The following HNF4A variants were observed in gnomAD, a reference collection of about 807,000 sequenced individuals.
HNF4A encodes the protein hepatocyte nuclear factor 4 alpha.
HNF4A carries 15 observed loss-of-function variants against 52.4 expected under a neutral mutation model. That is an observed-to-expected ratio of 0.29 (90% confidence interval 0.19 to 0.44). The LOEUF (loss-of-function observed/expected upper bound fraction) is 0.44, where lower values mean the gene tolerates loss of function less well. Among genes scored for constraint, HNF4A ranks in the 20% least tolerant of loss-of-function variants. The pLI is 1.00. For missense variants in HNF4A, 479 were observed against 647.2 expected (o/e 0.74, Z 2.82); for synonymous variants, 280 against 264.4 (o/e 1.06, Z -0.57).
At chr20:44,422,175 CACCTGCTATCCCACACTT>C (rs1264231188) in intron 7 of HNF4A, among the ~76,000 whole-genome samples, 1 of 152,256 alleles carries the variant, frequency 6.6e-6, no homozygotes, top group Admixed American at 6.5e-5. Context: ...TCTTACCTAC[CACCTGCTATCCCACACTT>C]ACCAGAGGGT....
intron 1 of HNF4A, among the ~76,000 whole-genome samples, chr20:44,365,782 G>A (rs1392067672): frequency 6.6e-6 from 1 of 152,152 alleles, no homozygotes; most frequent in Non-Finnish European, 1.5e-5. Context: ...TGAGGTGGGT[G>A]AATCACTTGA....
intron 1 of HNF4A, among the ~76,000 whole-genome samples, chr20:44,370,229 G>T (rs1395809524): frequency 6.6e-6 from 1 of 152,018 alleles, no homozygotes; most frequent in African/African-American, 2.4e-5. Flanking sequence ...GGGTTTCACC[G>T]TGTTAGCCAG....
At chr20:44,393,181 G>T (rs1036546745) in intron 1 of HNF4A, among the ~76,000 whole-genome samples, 3 of 152,224 alleles carry the variant, frequency 2.0e-5, no homozygotes, top group Non-Finnish European at 2.9e-5. Context: ...GGCCGGGAAG[G>T]CCGCATCTAA....
At chr20:44,377,147 T>C (rs2063094270) in intron 1 of HNF4A, among the ~76,000 whole-genome samples, 1 of 152,196 alleles carries the variant, frequency 6.6e-6, no homozygotes, top group Admixed American at 6.5e-5. Flanking sequence ...AACATGGATA[T>C]GGCTGGAAAC....
chr20:44,374,969 T>C (rs1489512854), intron 1 of HNF4A, among the ~76,000 whole-genome samples: 1 of 152,234 alleles, frequency 6.6e-6, no homozygotes, highest in Non-Finnish European at 1.5e-5. Context: ...AGTGTATAAG[T>C]GTTCCCTTTT....
intron 3 of HNF4A, among the ~76,000 whole-genome samples, chr20:44,411,754 G>T (rs1021635558): frequency 2.0e-5 from 3 of 152,084 alleles, no homozygotes; most frequent in Non-Finnish European, 2.9e-5. Flanking sequence ...GGAGAAATAG[G>T]GTTCTTATAA....
Position 44,401,468 on chromosome 20 carries a change from G to C in HNF4A, c.96G>C (p.Gln32His). Residue 32 changes from glutamine (Q) to histidine (H), a missense_variant, in exon 1 of 10, where the codon CAG becomes CAC. By Grantham distance (24) the Gln-to-His change is conservative. This residue lies in a region of HNF4A where 90 missense variants were observed against 105.5 expected (regional missense o/e 0.85). Transcript: ENST00000316099. ...CCACCCTGGAATTTGAGAATGTGCA[G>C]GTGTTGACGATGGGCAATGGTAGGT... is the stretch of plus-strand genomic sequence containing the variant. 1.2e-6 allele frequency: 2 copies of C among 1,614,232 alleles called. No individual in the cohort carries two copies. The highest frequency in any genetic ancestry group is 2.2e-5 in the East Asian group (1 of 44,884).
Position 44,417,994 on chromosome 20 carries a change from G to T in HNF4A, c.649-431G>T, listed in dbSNP as rs151021482. ...AAAAAAAAAAAAAAAAATAGAATCT[G>T]TATTTTTACAAAGCACCCTTCATAA... On this transcript the variant is annotated intron_variant, in intron 5 of 9. Transcript: ENST00000316099. Among the ~76,000 whole-genome samples the T allele has an allele frequency of 3.7e-3, 555 of 151,278 alleles. 3 individuals carry two copies. The highest frequency in any genetic ancestry group is 0.013 in the African/African-American group (525 of 41,248).
At chr20:44,401,995 C>T (rs566946575) in intron 1 of HNF4A, among the ~76,000 whole-genome samples, 1 of 152,190 alleles carries the variant, frequency 6.6e-6, no homozygotes, top group Non-Finnish European at 1.5e-5. Flanking sequence ...GAAAATGGAG[C>T]TCTCAGGGAA....
rs1009191551 is a variant in HNF4A, at chr20:44,407,919, G to A, written c.385+444G>A. On this transcript the variant is annotated intron_variant, in intron 3 of 9. Coordinates refer to ENST00000316099, the MANE Select transcript of HNF4A (RefSeq NM_000457.6). Reference sequence around the variant, plus strand: ...CCGATGCCTGAGCTTCCGGTCCCAGGGACAAATGCCCCAGTTCCCTTAGTA... The same window carrying A: ...CCGATGCCTGAGCTTCCGGTCCCAGAGACAAATGCCCCAGTTCCCTTAGTA... Among the ~76,000 whole-genome samples, 4 of 152,304 alleles carry A rather than the reference G, an allele frequency of 2.6e-5. 1 individual carries two copies.
chr20:44,384,185 T>TA (rs2063191647), intron 1 of HNF4A, among the ~76,000 whole-genome samples: 1 of 116,900 alleles, frequency 8.6e-6, no homozygotes, highest in Admixed American at 9.5e-5. Context: ...TTTTTTTTTT[T>TA]AAATAAAGAC....
intron 3 of HNF4A, among the ~76,000 whole-genome samples, chr20:44,409,101 T>C (rs77546512): frequency 6.6e-6 from 1 of 152,272 alleles, no homozygotes; most frequent in African/African-American, 2.4e-5. Flanking sequence ...TCATGAGCTG[T>C]CTTGGAAAAT....
At chr20:44,407,720 C>A (rs1010439215) in intron 3 of HNF4A, among the ~76,000 whole-genome samples, 2 of 151,840 alleles carry the variant, frequency 1.3e-5, no homozygotes, top group African/African-American at 4.9e-5. Context: ...AACCACCACC[C>A]CTGCCTGCCT....
rs145020063 is a variant in HNF4A, at chr20:44,412,906, T to C, written c.386-788T>C. Among the ~76,000 whole-genome samples, 484 of 151,704 alleles carry C rather than the reference T, an allele frequency of 3.2e-3. 8 individuals carry two copies. In the East Asian group the frequency reaches 0.052, roughly 16 times the overall value. On this transcript the variant is annotated intron_variant, in intron 3 of 9. Coordinates refer to ENST00000316099, the MANE Select transcript of HNF4A (RefSeq NM_000457.6). ...CTGCGATTGCCACCGGCACACAGAGTGGCAGGTTCCAGACAGGAAGCCGGG... is the reference window on the plus strand; with the variant it reads ...CTGCGATTGCCACCGGCACACAGAGCGGCAGGTTCCAGACAGGAAGCCGGG...
Position 44,432,465 on chromosome 20 carries a change from C to T in HNF4A, c.*2800C>T, listed in dbSNP as rs894669215. 2 of 150,068 alleles carry T rather than the reference C, an allele frequency of 1.3e-5. No individual in the cohort carries two copies. The highest frequency in any genetic ancestry group is 1.3e-4 in the Admixed American group (2 of 14,946). The allele number at this position is 150,068 out of a possible 1,614,324, so 9.3% of individuals were successfully genotyped here. On this transcript the variant is annotated 3_prime_UTR_variant, in exon 10 of 10. Transcript: ENST00000316099. ...GGGCACAATTTCCCCACCAAGACACCCTGATCTTCAGGCGGGTCTCAGGAG... is the reference window on the plus strand; with the variant it reads ...GGGCACAATTTCCCCACCAAGACACTCTGATCTTCAGGCGGGTCTCAGGAG...
At chr20:44,391,585 T>C (rs1211844248) in intron 1 of HNF4A, 2 of 152,324 alleles carry the variant, frequency 1.3e-5, no homozygotes, top group Non-Finnish European at 2.9e-5. Flanking sequence ...ACCATTGCCT[T>C]GGCTCACTGG....
chr20:44,424,695 T>C lies in HNF4A; in HGVS notation c.1129+441T>C. ...GATAGGGGAGGCCACAGGAGACCTC[T>C]CTGAAGTGGTGACTCTTGTGCTAAG... On this transcript the variant is annotated intron_variant, in intron 8 of 9. Transcript: ENST00000316099. 4 of 979,260 alleles carry C rather than the reference T, an allele frequency of 4.1e-6. No individual in the cohort carries two copies. The South Asian group carries it at 7.0e-5, about 17-fold the overall frequency. 60.7% of individuals were successfully genotyped at this position (979,260 alleles called of 1,614,324 possible).
chr20:44,426,675 C>T (rs906196487), intron 8 of HNF4A, among the ~76,000 whole-genome samples: 4 of 152,114 alleles, frequency 2.6e-5, no homozygotes, highest in Admixed American at 2.6e-4. Flanking sequence ...GACATGGTGG[C>T]ATGCACCTGT....
intron 3 of HNF4A, among the ~76,000 whole-genome samples, chr20:44,411,332 C>T (rs1002536916): frequency 6.6e-5 from 10 of 152,204 alleles, no homozygotes; most frequent in African/African-American, 2.2e-4. Flanking sequence ...ATTAGGTCCC[C>T]GACCCTGCTA....
Sources: gnomAD v4.1 joint callset for allele counts (sites outside exome capture counted in the v4.1 genomes callset) on GRCh38, gnomAD v4.1.1 for gene constraint, gnomAD v4.1.1 regional missense constraint, MANE v1.5 for transcripts, NCBI Gene and HGNC (gene_info 2026-07-23, HGNC 2026-07-21) for gene names.